MBD5: variants seen among roughly 807,000 people sequenced by gnomAD.
MBD5 encodes methyl-CpG-binding domain protein 5.
Under a neutral mutation model 117.3 loss-of-function variants are expected in MBD5, and 13 were observed. The ratio of observed to expected loss-of-function variants is 0.11; its 90% CI spans 0.07 to 0.18. MBD5 has a LOEUF of 0.18. Ranked by LOEUF, MBD5 falls within the 10% of genes least tolerant of loss-of-function variation. The probability of loss-of-function intolerance (pLI) is 1.00; values close to 1 mark genes in which losing one functional copy is unlikely to be tolerated. For missense variants in MBD5, 1,879 were observed against 2,093.8 expected (o/e 0.90, Z 2.00); for synonymous variants, 727 against 766.4 (o/e 0.95, Z 0.85).
chr2:148,179,736 G>A (rs926635647), intron 2 of MBD5, among the ~76,000 whole-genome samples: 1 of 152,094 alleles, frequency 6.6e-6, no homozygotes, highest in Non-Finnish European at 1.5e-5. Context: ...GATACAAGGG[G>A]AATAAACCTC....
At chr2:148,078,890 G>C (rs1695572544) in intron 1 of MBD5, among the ~76,000 whole-genome samples, 1 of 152,118 alleles carries the variant, frequency 6.6e-6, no homozygotes, top group Non-Finnish European at 1.5e-5. Flanking sequence ...TATTGTAAAA[G>C]AACAAGTGTG....
intron 4 of MBD5, among the ~76,000 whole-genome samples, chr2:148,355,402 T>G (rs1703356137): frequency 6.6e-6 from 1 of 152,134 alleles, no homozygotes. Context: ...TCTAGGGTTT[T>G]TATAGTTTTA....
chr2:148,209,634 G>A (rs551792198), intron 2 of MBD5, among the ~76,000 whole-genome samples: 1 of 151,980 alleles, frequency 6.6e-6, no homozygotes, highest in South Asian at 2.1e-4. Flanking sequence ...AATGAGACTG[G>A]CATTTATAAA....
chr2:148,346,913 A>G (rs1459561151), intron 4 of MBD5: 2 of 151,934 alleles, frequency 1.3e-5, no homozygotes, highest in Non-Finnish European at 2.9e-5. Flanking sequence ...AAAGTCAGAA[A>G]CAGAGGAGTT....
At chr2:148,218,675 A>G (rs1699613767) in intron 2 of MBD5, among the ~76,000 whole-genome samples, 1 of 152,222 alleles carries the variant, frequency 6.6e-6, no homozygotes, top group Admixed American at 6.5e-5. Flanking sequence ...TATTGCTCCT[A>G]GGTTACAAAC....
At chr2:148,495,243 C>T (rs565332791) in intron 11 of MBD5, among the ~76,000 whole-genome samples, 2 of 152,158 alleles carry the variant, frequency 1.3e-5, no homozygotes, top group South Asian at 4.2e-4. Flanking sequence ...ATTTTTAAGC[C>T]TATGCAACAA....
intron 2 of MBD5, among the ~76,000 whole-genome samples, chr2:148,228,022 T>G (rs142491076): frequency 2.0e-5 from 3 of 152,170 alleles, no homozygotes; most frequent in Non-Finnish European, 4.4e-5. Flanking sequence ...TGAGACAATG[T>G]GGTTTTCTAG....
At chr2:148,321,591 C>T (rs1702283582) in intron 3 of MBD5, among the ~76,000 whole-genome samples, 1 of 152,120 alleles carries the variant, frequency 6.6e-6, no homozygotes, top group Non-Finnish European at 1.5e-5. Context: ...TTCAAGATAC[C>T]ACTAATACAT....
chr2:148,112,474 T>C (rs994558358), intron 1 of MBD5, among the ~76,000 whole-genome samples: 9 of 152,220 alleles, frequency 5.9e-5, no homozygotes, highest in African/African-American at 2.2e-4. Context: ...AAATACTTTA[T>C]ACTTGGTGCA....
At chr2:148,045,356 C>G (rs1024107219) in intron 1 of MBD5, among the ~76,000 whole-genome samples, 2 of 152,112 alleles carry the variant, frequency 1.3e-5, no homozygotes, top group Non-Finnish European at 2.9e-5. Context: ...TTATGCATTG[C>G]TAAATTTGAA....
intron 1 of MBD5, among the ~76,000 whole-genome samples, chr2:148,078,860 C>T (rs1482560632): frequency 1.3e-5 from 2 of 152,136 alleles, no homozygotes; most frequent in East Asian, 3.8e-4. Context: ...ATAATCCTGA[C>T]TTTATGTTGG....
At chr2:148,289,601 T>C (rs1701450699) in intron 3 of MBD5, among the ~76,000 whole-genome samples, 3 of 152,126 alleles carry the variant, frequency 2.0e-5, no homozygotes, top group African/African-American at 7.2e-5. Flanking sequence ...TAAGGAAGCA[T>C]AGAAAAACAT....
intron 2 of MBD5, among the ~76,000 whole-genome samples, chr2:148,204,642 G>A (rs1699231829): frequency 6.6e-6 from 1 of 152,162 alleles, no homozygotes; most frequent in Non-Finnish European, 1.5e-5. Context: ...TCAACATTTA[G>A]TACCAGTTGC....
rs1705502286 is a variant in MBD5 at position 148,418,749 on chromosome 2, C to T, written c.-556-39454C>T. Among the ~76,000 whole-genome samples the T allele has an allele frequency of 1.3e-5, 2 of 151,934 alleles. 1 individual carries two copies. Among genetic ancestry groups the T allele is most frequent in the South Asian group, 4.2e-4 (2 of 4,816 alleles). On this transcript the variant is annotated intron_variant, in intron 4 of 13. Transcript: ENST00000642680. Reference sequence around the variant, plus strand: ...TAGATGACACAAATGGAAATATATCCCATGTTCATGAATTGGAAAAAACAA... The same window carrying T: ...TAGATGACACAAATGGAAATATATCTCATGTTCATGAATTGGAAAAAACAA...
chr2:148,238,528 T>C (rs1700140045), intron 3 of MBD5, among the ~76,000 whole-genome samples: 1 of 152,154 alleles, frequency 6.6e-6, no homozygotes, highest in African/African-American at 2.4e-5. Context: ...ACTAGAAAAA[T>C]AAAAAGAAAC....
chr2:148,116,961 A>G (rs563399869), intron 1 of MBD5, among the ~76,000 whole-genome samples: 1 of 152,206 alleles, frequency 6.6e-6, no homozygotes, highest in Non-Finnish European at 1.5e-5. Flanking sequence ...GTAGAATGGA[A>G]GTTCATTCCT....
intron 1 of MBD5, among the ~76,000 whole-genome samples, chr2:148,093,845 C>T (rs991305540): frequency 1.3e-5 from 2 of 151,962 alleles, no homozygotes; most frequent in South Asian, 2.1e-4. Context: ...TTTGAGATGA[C>T]GAATCTATCT....
intron 1 of MBD5, among the ~76,000 whole-genome samples, chr2:148,132,120 A>G (rs921077432): frequency 6.6e-6 from 1 of 152,100 alleles, no homozygotes; most frequent in Non-Finnish European, 1.5e-5. Flanking sequence ...GCATAGATCT[A>G]TTACAAGGCT....
intron 4 of MBD5, among the ~76,000 whole-genome samples, chr2:148,357,630 CT>C (rs1254882061): frequency 6.6e-6 from 1 of 151,688 alleles, no homozygotes; most frequent in Non-Finnish European, 1.5e-5. Context: ...CCTAACCCAC[CT>C]TTTTTTTCTT....
Sources: allele counts gnomAD v4.1 joint callset (sites outside exome capture counted in the v4.1 genomes callset), GRCh38; gene constraint gnomAD v4.1.1; transcripts MANE v1.5; gene names NCBI Gene and HGNC (gene_info 2026-07-23, HGNC 2026-07-21).